Variants in ATXN1 observed in about 807,000 individuals in gnomAD.
The protein encoded by ATXN1 is ataxin-1.
A neutral mutation model predicts 56.4 loss-of-function variants in ATXN1; 8 were observed. The ratio of observed to expected loss-of-function variants is 0.14; its 90% CI spans 0.08 to 0.26. The LOEUF is 0.26. ATXN1 is among the 10% of genes least tolerant of loss of function. The probability of loss-of-function intolerance (pLI) is 1.00; values close to 1 mark genes in which losing one functional copy is unlikely to be tolerated. For missense variants in ATXN1, 987 were observed against 1,106.5 expected, an observed-to-expected ratio of 0.89 and a Z score of 1.53; for synonymous variants, 514 against 494.6, an observed-to-expected ratio of 1.04 and a Z score of -0.52.
At chr6:16,526,064 T>TATATACACACAC (rs370698828) in intron 4 of ATXN1, among the ~76,000 whole-genome samples, 1 of 133,310 alleles carries the variant, frequency 7.5e-6, no homozygotes, top group East Asian at 2.1e-4. Context: ...TATATATATA[T>TATATACACACAC]ACATACATAC....
At chr6:16,634,774 T>C (rs772944953) in intron 3 of ATXN1, among the ~76,000 whole-genome samples, 7 of 152,220 alleles carry the variant, frequency 4.6e-5, no homozygotes, top group Non-Finnish European at 7.3e-5. Flanking sequence ...CAATATTCCA[T>C]TAAACATTTA....
At chr6:16,739,298 C>T (rs1033335468) in intron 2 of ATXN1, 2 of 152,262 alleles carry the variant, frequency 1.3e-5, no homozygotes, top group African/African-American at 4.8e-5. Context: ...TATGTAAACA[C>T]TAGAAATCCA....
At chr6:16,550,350 C>T (rs1292428167) in intron 4 of ATXN1, among the ~76,000 whole-genome samples, 1 of 152,104 alleles carries the variant, frequency 6.6e-6, no homozygotes, top group African/African-American at 2.4e-5. Flanking sequence ...GTCAACTTTC[C>T]ATCCTCTTCT....
At chr6:16,626,849 A>G (rs1361100397) in intron 3 of ATXN1, among the ~76,000 whole-genome samples, 1 of 152,182 alleles carries the variant, frequency 6.6e-6, no homozygotes, top group Non-Finnish European at 1.5e-5. Context: ...CTTGGAGGGA[A>G]GCCCACGAGA....
chr6:16,429,966 A>G (rs1294461198), intron 6 of ATXN1, among the ~76,000 whole-genome samples: 1 of 152,196 alleles, frequency 6.6e-6, no homozygotes, highest in Non-Finnish European at 1.5e-5. Context: ...CACGTGCCTG[A>G]AAAGCTTGCC....
chr6:16,475,713 C>T lies in ATXN1; in HGVS notation c.-161+10259G>A, dbSNP rs560952700. Among the ~76,000 whole-genome samples the T allele has an allele frequency of 4.9e-4, 74 of 152,146 alleles. 1 individual carries two copies. In the South Asian group the frequency reaches 6.9e-3, roughly 14 times the overall value. ...TTAAGTGGCAGTGATAATGATCTTC[C>T]TTTGGAAGATAAGGAAATAGAGGCA... On this transcript the variant is annotated intron_variant, in intron 6 of 7. Transcript: ENST00000436367.
rs746676585 is a variant in ATXN1 at position 16,584,223 on chromosome 6, C to CATAT, written c.-361+1553_-361+1556dup. On this transcript the variant is annotated intron_variant, in intron 4 of 7. Transcript: ENST00000436367. ...ATTTAATCATGTTCCCGATATTGGACATATATATATATATATATATACACA... is the reference window on the plus strand; with the variant it reads ...ATTTAATCATGTTCCCGATATTGGACATATATATATATATATATATATATACACA... Among the ~76,000 whole-genome samples the CATAT allele has an allele frequency of 6.0e-3, 485 of 80,686 alleles. 8 individuals carry two copies. Among genetic ancestry groups the CATAT allele is most frequent in the East Asian group, 0.031 (60 of 1,922 alleles). The allele number at this position is 80,686 out of a possible 152,430, so 52.9% of individuals were successfully genotyped here. A position where few individuals can be genotyped will look rare whatever the true frequency, so the allele number is the denominator to read the frequency against.
chr6:16,505,207 C>T (rs1230556646), intron 5 of ATXN1, among the ~76,000 whole-genome samples: 1 of 152,076 alleles, frequency 6.6e-6, no homozygotes, highest in Non-Finnish European at 1.5e-5. Flanking sequence ...GCCACTCAGT[C>T]CTTGCCTGAA....
chr6:16,348,852 A>ATGAC (rs1244154387), intron 6 of ATXN1, among the ~76,000 whole-genome samples: 1 of 152,188 alleles, frequency 6.6e-6, no homozygotes, highest in African/African-American at 2.4e-5. Flanking sequence ...ACTACCTCCT[A>ATGAC]TGACTGCTGC....
At position 16,682,797 on chromosome 6, in the gene ATXN1, G is replaced by C. The variant is rs138454998; in HGVS notation, c.-614-24896C>G. 7.8e-3 allele frequency among the ~76,000 whole-genome samples: 1,194 copies of C among 152,316 alleles called. 6 individuals carry two copies. Among genetic ancestry groups the C allele is most frequent in the Middle Eastern group, 0.027 (8 of 294 alleles). On this transcript the variant is annotated intron_variant, in intron 2 of 7. Coordinates refer to ENST00000436367, the MANE Select transcript of ATXN1 (RefSeq NM_001128164.2). ...ATTTACTGTACAAGTAATAACATAA[G>C]CAAGAGACTTCCTAAGAGTGTTTTA... is the stretch of plus-strand genomic sequence containing the variant.
chr6:16,691,730 T>C (rs1759051006), intron 2 of ATXN1, among the ~76,000 whole-genome samples: 2 of 152,214 alleles, frequency 1.3e-5, no homozygotes, highest in South Asian at 4.1e-4. Context: ...CTAGGCAGTG[T>C]GTGGACAGAC....
intron 7 of ATXN1, among the ~76,000 whole-genome samples, chr6:16,324,081 A>G (rs1171323919): frequency 2.0e-5 from 3 of 152,120 alleles, no homozygotes; most frequent in Non-Finnish European, 4.4e-5. Context: ...GCAAGCCCCC[A>G]TATCCAGTCA....
At chr6:16,373,719 G>A (rs1317900077) in intron 6 of ATXN1, among the ~76,000 whole-genome samples, 7 of 152,046 alleles carry the variant, frequency 4.6e-5, no homozygotes, top group Non-Finnish European at 5.9e-5. Flanking sequence ...ATTTTCTCTT[G>A]CCTGCTGCCA....
At chr6:16,606,889 T>TGTGTGTGTGTGTGTGTGTGTGTGTGTGTG (rs1763019679) in intron 3 of ATXN1, among the ~76,000 whole-genome samples, 1 of 16,608 alleles carries the variant, frequency 6.0e-5, no homozygotes, top group African/African-American at 1.4e-4. Context: ...GTGTGTGTGT[T>TGTGTGTGTGTGTGTGTGTGTGTGTGTGTG]GTTTGTTTGT....
chr6:16,530,507 T>C (rs1411666703), intron 4 of ATXN1, among the ~76,000 whole-genome samples: 1 of 152,206 alleles, frequency 6.6e-6, no homozygotes, highest in Non-Finnish European at 1.5e-5. Context: ...GGTAACCTCT[T>C]AGCAGATTCA....
chr6:16,489,274 C>T (rs1561722550), intron 5 of ATXN1, among the ~76,000 whole-genome samples: 1 of 152,166 alleles, frequency 6.6e-6, no homozygotes, highest in Non-Finnish European at 1.5e-5. Context: ...TGTTCTAGGA[C>T]TTAACCCTTA....
chr6:16,478,611 T>C (rs1184516026), intron 6 of ATXN1, among the ~76,000 whole-genome samples: 1 of 152,244 alleles, frequency 6.6e-6, no homozygotes, highest in Non-Finnish European at 1.5e-5. Context: ...TGCCCAGTTC[T>C]CTTTGTTCTG....
intron 3 of ATXN1, among the ~76,000 whole-genome samples, chr6:16,628,006 A>G (rs1427853241): frequency 6.6e-6 from 1 of 152,264 alleles, no homozygotes; most frequent in Admixed American, 6.5e-5. Context: ...ACAATAGAAC[A>G]GTAGACACCT....
At chr6:16,543,345 T>C (rs1761751258) in intron 4 of ATXN1, among the ~76,000 whole-genome samples, 1 of 152,174 alleles carries the variant, frequency 6.6e-6, no homozygotes, top group Non-Finnish European at 1.5e-5. Context: ...CAGGCAAAAG[T>C]ATTATTTCTA....
Sources: gnomAD v4.1 joint callset for allele counts (sites outside exome capture counted in the v4.1 genomes callset) on GRCh38, gnomAD v4.1.1 for gene constraint, MANE v1.5 for transcripts, NCBI Gene and HGNC (gene_info 2026-07-23, HGNC 2026-07-21) for gene names.